EDN3: variants seen among roughly 807,000 people sequenced by gnomAD.
The protein encoded by EDN3 is endothelin-3.
EDN3 carries 9 observed loss-of-function variants against 21.4 expected under a neutral mutation model. That is an observed-to-expected ratio of 0.42 (90% CI 0.25 to 0.73). The LOEUF (loss-of-function observed/expected upper bound fraction) is 0.73. EDN3 is among the 30% of genes least tolerant of loss of function. The pLI is 0.26. For missense variants in EDN3, 327 were observed against 309.4 expected (o/e 1.06, Z -0.43); for synonymous variants, 133 against 126.2 (o/e 1.05, Z -0.36).
At chr20:59,313,831 T>C (rs998725958) in intron 2 of EDN3, among the ~76,000 whole-genome samples, 1 of 152,386 alleles carries the variant, frequency 6.6e-6, no homozygotes, top group Admixed American at 6.5e-5. Flanking sequence ...GTGTGTTCTC[T>C]GCTTATATAA....
At chr20:59,310,852 A>G (rs1989758067) in intron 2 of EDN3, among the ~76,000 whole-genome samples, 1 of 152,050 alleles carries the variant, frequency 6.6e-6, no homozygotes, top group Non-Finnish European at 1.5e-5. Context: ...CGAGAGTCAG[A>G]AGCAACTACA....
At chr20:59,318,490 C>G (rs573927322) in intron 2 of EDN3, among the ~76,000 whole-genome samples, 5 of 152,220 alleles carry the variant, frequency 3.3e-5, no homozygotes, top group African/African-American at 4.8e-5. Context: ...GCCTCCATCG[C>G]GAACTCTCAT....
chr20:59,300,963 G>A (rs1353604924), intron 1 of EDN3, 99 bp downstream of exon 1: 2 of 1,403,478 alleles, frequency 1.4e-6, no homozygotes, highest in African/African-American at 1.4e-5. Context: ...GTCGCGGGGA[G>A]CAAACTCTTG....
At chr20:59,301,743 G>A in intron 2 of EDN3, 21 bp downstream of exon 2, 1 of 1,613,556 alleles carries the variant, frequency 6.2e-7, no homozygotes. Flanking sequence ...CTTTTGTGGT[G>A]AGGAACGTGG....
chr20:59,314,935 AAT>A (rs1190605680), intron 2 of EDN3, among the ~76,000 whole-genome samples: 2 of 152,122 alleles, frequency 1.3e-5, no homozygotes, highest in Non-Finnish European at 2.9e-5. Context: ...TGGGCCTTTG[AAT>A]AGTCAGCCAC....
At chr20:59,317,668 C>T (rs1990266988) in intron 2 of EDN3, among the ~76,000 whole-genome samples, 1 of 152,120 alleles carries the variant, frequency 6.6e-6, no homozygotes, top group East Asian at 1.9e-4. Flanking sequence ...TAGGGATGTG[C>T]CTTTCTGTGT....
At chr20:59,314,024 G>C (rs1236309837) in intron 2 of EDN3, among the ~76,000 whole-genome samples, 1 of 152,178 alleles carries the variant, frequency 6.6e-6, no homozygotes, top group Non-Finnish European at 1.5e-5. Context: ...AGCGTCCGGG[G>C]GTGGGCTCTG....
chr20:59,317,257 T>C (rs1990242306), intron 2 of EDN3, among the ~76,000 whole-genome samples: 1 of 152,198 alleles, frequency 6.6e-6, no homozygotes, highest in South Asian at 2.1e-4. Context: ...CAGAGCTCGG[T>C]GAGAAGGTGG....
At chr20:59,319,950 A>C (rs1230256525) in intron 2 of EDN3, among the ~76,000 whole-genome samples, 1 of 152,180 alleles carries the variant, frequency 6.6e-6, no homozygotes, top group Non-Finnish European at 1.5e-5. Flanking sequence ...TTGTTCCTCA[A>C]ATCAAGCTAG....
chr20:59,321,131 T>C lies in EDN3; in HGVS notation c.480T>C (p.Ala160=), dbSNP rs745314073. ...CACATCGGCCACACTTGCGCTGCGC[T>C]TGTGTGGGGAGATATGACAAGGCCT... is the stretch of plus-strand genomic sequence containing the variant. ...QLSHRPHLRC[A]CVGRYDKACL... The change falls in exon 3 of 5, where the codon GCT becomes GCC. Residue 160 remains alanine, a synonymous_variant. Transcript: ENST00000337938. 13 of 1,614,090 alleles carry C rather than the reference T, an allele frequency of 8.1e-6. No individual in the cohort carries two copies. The highest frequency in any genetic ancestry group is 1.1e-5 in the Non-Finnish European group (13 of 1,180,042).
rs1234870849 is a variant in EDN3, at chr20:59,301,853, T to G, written c.365+131T>G. Reference sequence around the variant, plus strand: ...AGCCTGCCCTGGCACAGCCTTTAGCTCTTGCTGGGGCCTCTTGCCAGCCCA... The same window carrying G: ...AGCCTGCCCTGGCACAGCCTTTAGCGCTTGCTGGGGCCTCTTGCCAGCCCA... On this transcript the variant is annotated intron_variant, in intron 2 of 4. Transcript: ENST00000337938. 3 of 1,090,648 alleles carry G rather than the reference T, an allele frequency of 2.8e-6. No individual in the cohort carries two copies. In the African/African-American group the frequency reaches 4.6e-5, roughly 17 times the overall value. 67.6% of individuals were successfully genotyped at this position (1,090,648 alleles called of 1,614,324 possible). A position where few individuals can be genotyped will look rare whatever the true frequency, so the allele number is the denominator to read the frequency against.
At chr20:59,304,549 A>G (rs574194256) in intron 2 of EDN3, among the ~76,000 whole-genome samples, 2 of 152,120 alleles carry the variant, frequency 1.3e-5, no homozygotes. Flanking sequence ...CTTTCCTCCC[A>G]TGGCGCATCC....
chr20:59,320,036 G>T (rs1990428424), intron 2 of EDN3, among the ~76,000 whole-genome samples: 1 of 152,218 alleles, frequency 6.6e-6, no homozygotes, highest in African/African-American at 2.4e-5. Context: ...GGCAAGTGAT[G>T]ATTTGGATGT....
intron 2 of EDN3, among the ~76,000 whole-genome samples, chr20:59,312,985 G>A (rs1989931614): frequency 2.0e-5 from 3 of 152,180 alleles, no homozygotes; most frequent in Admixed American, 2.0e-4. Flanking sequence ...TGTCCACCAA[G>A]GTGCTGATGT....
intron 2 of EDN3, among the ~76,000 whole-genome samples, chr20:59,306,152 G>A (rs1281125070): frequency 6.6e-6 from 1 of 152,312 alleles, no homozygotes; most frequent in East Asian, 1.9e-4. Context: ...ATCTGAGGGA[G>A]GCATTGTGAT....
intron 2 of EDN3, 120 bp from the exon 3 acceptor site, chr20:59,320,897 T>C: frequency 9.7e-7 from 1 of 1,031,800 alleles, no homozygotes; most frequent in South Asian, 1.3e-5. Context: ...GTGGGGAGGG[T>C]TGTGAACACC....
intron 2 of EDN3, among the ~76,000 whole-genome samples, chr20:59,313,426 T>C (rs923938395): frequency 6.6e-6 from 1 of 152,120 alleles, no homozygotes; most frequent in Admixed American, 6.5e-5. Flanking sequence ...ATCTGATTGG[T>C]AGGGGATAAT....
intron 1 of EDN3, 43 bp from the exon 2 acceptor site, chr20:59,301,367 T>C (rs1329316621): frequency 6.3e-7 from 1 of 1,595,058 alleles, no homozygotes; most frequent in Non-Finnish European, 8.5e-7. Flanking sequence ...TGTTGAGGGG[T>C]CTGCACACTC....
chr20:59,314,883 C>T (rs1990075626), intron 2 of EDN3, among the ~76,000 whole-genome samples: 1 of 152,192 alleles, frequency 6.6e-6, no homozygotes, highest in African/African-American at 2.4e-5. Context: ...TTGTGCGTAG[C>T]AGTGTCTGCT....
Sources: allele counts gnomAD v4.1 joint callset (sites outside exome capture counted in the v4.1 genomes callset), GRCh38; gene constraint gnomAD v4.1.1; transcripts MANE v1.5; gene names NCBI Gene and HGNC (gene_info 2026-07-23, HGNC 2026-07-21).